The following SUMO3 variants were observed in gnomAD, a reference collection of about 807,000 sequenced individuals.
SUMO3 encodes the protein small ubiquitin-related modifier 3.
In SUMO3, 2 loss-of-function variants were observed where a neutral mutation model predicts 11.1. That is an observed-to-expected ratio of 0.18 (90% CI 0.07 to 0.57). SUMO3 has a LOEUF of 0.57. Among genes scored for constraint, SUMO3 ranks in the 20% least tolerant of loss-of-function variants. SUMO3 has a pLI of 0.92. For missense variants in SUMO3, 70 were observed against 132.8 expected (o/e 0.53, Z 2.32); for synonymous variants, 56 against 53.5 (o/e 1.05, Z -0.20).
At chr21:44,808,916 C>G in intron 3 of SUMO3, 131 bp downstream of exon 3, 1 of 752,116 alleles carries the variant, frequency 1.3e-6, no homozygotes, top group Admixed American at 2.4e-5. Context: ...AATAAATAAT[C>G]TAATAATCAA....
chr21:44,808,240 C>T (rs757331290), intron 3 of SUMO3: 18 of 258,972 alleles, frequency 7.0e-5, no homozygotes, highest in Middle Eastern at 1.2e-3. Context: ...CGGCCGGGCG[C>T]GTTGGCTCAT....
chr21:44,810,756 A>G lies in SUMO3; in HGVS notation c.151-1638T>C, dbSNP rs978378986. Among the ~76,000 whole-genome samples the G allele has an allele frequency of 1.3e-5, 2 of 151,994 alleles. No individual in the cohort carries two copies. The highest frequency in any genetic ancestry group is 1.3e-4 in the Admixed American group (2 of 15,284). ...CAGCCATCCATGTACACAGCTTTTC[A>G]GCAGCTTCTCGGTGCTCCATGCTTG... On this transcript the variant is annotated intron_variant, in intron 2 of 3. Coordinates refer to ENST00000332859, the MANE Select transcript of SUMO3 (RefSeq NM_006936.3). This position sits in a 1 kb window ranked among gnomAD's most constrained non-coding sequence, Gnocchi z 4.1.
rs1334680948 is a variant in SUMO3, at chr21:44,811,085, T to C, written c.151-1967A>G. On this transcript the variant is annotated intron_variant, in intron 2 of 3. Coordinates refer to ENST00000332859, the MANE Select transcript of SUMO3 (RefSeq NM_006936.3). The surrounding 1 kb of genome is among the most constrained non-coding windows in gnomAD (Gnocchi z 5.0). ...ACATACACACACACGAATGCACACA[T>C]GCACACACCCACATACACACACATG... 7.0e-5 allele frequency among the ~76,000 whole-genome samples: 7 copies of C among 99,988 alleles called. No individual in the cohort carries two copies. The highest frequency in any genetic ancestry group is 3.0e-4 in the East Asian group (1 of 3,382). The allele number at this position is 99,988 out of a possible 152,430, so 65.6% of individuals were successfully genotyped here.
intron 1 of SUMO3, among the ~76,000 whole-genome samples, chr21:44,815,278 G>A (rs373524329): frequency 6.6e-6 from 1 of 152,294 alleles, no homozygotes; most frequent in African/African-American, 2.4e-5. Context: ...GCTTCCCTGG[G>A]GTATGCACCC....
rs753293896 is a variant in SUMO3, at chr21:44,805,961, A to G, written c.*990T>C. 1.2e-4 allele frequency: 19 copies of G among 152,408 alleles called. No individual in the cohort carries two copies. Among genetic ancestry groups the G allele is most frequent in the Non-Finnish European group, 2.1e-4 (14 of 68,030 alleles). 9.4% of individuals were successfully genotyped at this position (152,408 alleles called of 1,614,324 possible). ...ATTCAATACCTATTTGGAAAGCAGC[A>G]CGGCACAAACCCACGAGAAGAACAT... On this transcript the variant is annotated 3_prime_UTR_variant, in exon 4 of 4. Transcript: ENST00000332859.
chr21:44,817,648 G>A (rs1369099713), intron 1 of SUMO3, among the ~76,000 whole-genome samples: 2 of 150,840 alleles, frequency 1.3e-5, no homozygotes, highest in Admixed American at 6.6e-5. Context: ...GCAGCGCGGG[G>A]CCCGACACCG....
intron 2 of SUMO3, 122 bp downstream of exon 2, chr21:44,813,854 G>T: frequency 1.9e-6 from 3 of 1,572,928 alleles, no homozygotes; most frequent in Non-Finnish European, 2.6e-6. Flanking sequence ...CATCCACGAA[G>T]AGGGCACCTC....
chr21:44,807,077 G>A lies in SUMO3; in HGVS notation c.223-37C>T. The A allele has an allele frequency of 6.2e-7, 1 of 1,608,004 alleles. No individual in the cohort carries two copies. The highest frequency in any genetic ancestry group is 8.5e-7 in the Non-Finnish European group (1 of 1,176,316). ...GTCACAACAGGCACAGCGAGAGAGA[G>A]GGGAGCCTGTTAGTTTTCATCAGAG... On this transcript the variant is annotated intron_variant, in intron 3 of 3. Transcript: ENST00000332859. This position sits in a 1 kb window ranked among gnomAD's most constrained non-coding sequence, Gnocchi z 4.3.
At chr21:44,815,100 G>A (rs1455477105) in intron 1 of SUMO3, among the ~76,000 whole-genome samples, 1 of 152,238 alleles carries the variant, frequency 6.6e-6, no homozygotes, top group Non-Finnish European at 1.5e-5. Flanking sequence ...TTCACCCCAT[G>A]CTGAGCTGCT....
rs2083181437 is a variant in SUMO3 at position 44,806,990 on chromosome 21, T to A, written c.273A>T (p.Gly91=). 1 of 1,613,982 alleles carries A rather than the reference T, an allele frequency of 6.2e-7. No individual in the cohort carries two copies. Reference sequence around the variant, plus strand: ...CTGCCAGGCTGCTCTCCGGCACACCTCCCGTCTGCTGCTGGAACACGTCGA... The same window carrying A: ...CTGCCAGGCTGCTCTCCGGCACACCACCCGTCTGCTGCTGGAACACGTCGA... ...DTIDVFQQQT[G]GVPESSLAGH... is the part of the protein sequence containing the mutation. The change falls in exon 4 of 4, where the codon GGA becomes GGT. Residue 91 remains glycine (G), a synonymous_variant. Transcript: ENST00000332859.
intron 2 of SUMO3, chr21:44,813,547 AGT>A: frequency 2.3e-6 from 1 of 430,418 alleles, no homozygotes; most frequent in Admixed American, 3.7e-5. Flanking sequence ...ACATGAGGGC[AGT>A]GTCTCTCCAG....
rs1346539466 is a variant in SUMO3 at position 44,810,071 on chromosome 21, G to C, written c.151-953C>G. Among the ~76,000 whole-genome samples the C allele has an allele frequency of 1.3e-5, 2 of 152,226 alleles. No homozygotes were observed. The highest frequency in any genetic ancestry group is 4.8e-5 in the African/African-American group (2 of 41,452). ...GCCTTGAGGAGGGCAGCAGGAAGGAGAGCACGCAGCCTTTCTGCGTCCTGA... is the reference window on the plus strand; with the variant it reads ...GCCTTGAGGAGGGCAGCAGGAAGGACAGCACGCAGCCTTTCTGCGTCCTGA... On this transcript the variant is annotated intron_variant, in intron 2 of 3. Coordinates refer to ENST00000332859, the MANE Select transcript of SUMO3 (RefSeq NM_006936.3). This position sits in a 1 kb window ranked among gnomAD's most constrained non-coding sequence, Gnocchi z 4.1.
intron 2 of SUMO3, chr21:44,813,639 C>G: frequency 4.7e-6 from 3 of 644,020 alleles, no homozygotes; most frequent in Non-Finnish European, 7.9e-6. Flanking sequence ...ATGGCCAGAC[C>G]TGAGCAGGGC....
chr21:44,805,641 T>G lies in SUMO3; in HGVS notation c.*1310A>C, dbSNP rs2083171683. 6.6e-6 allele frequency: 1 copy of G among 152,638 alleles called. No individual in the cohort carries two copies. 9.5% of individuals were successfully genotyped at this position (152,638 alleles called of 1,614,324 possible). A position where few individuals can be genotyped will look rare whatever the true frequency, so the allele number is the denominator to read the frequency against. ...AGACAGAATACCAAACTATATTTAC[T>G]GTTTACAGTAGTAAAGGACAACAAA... On this transcript the variant is annotated 3_prime_UTR_variant, in exon 4 of 4. Transcript: ENST00000332859.
At chr21:44,814,992 G>A (rs1354802221) in intron 1 of SUMO3, among the ~76,000 whole-genome samples, 14 of 152,202 alleles carry the variant, frequency 9.2e-5, no homozygotes, top group East Asian at 1.9e-4. Context: ...CCCCTCTGCC[G>A]GCCTGCACTG....
rs2083172285 is a variant in SUMO3 at position 44,805,747 on chromosome 21, C to T, written c.*1204G>A. 1 of 152,588 alleles carries T rather than the reference C, an allele frequency of 6.6e-6. No individual in the cohort carries two copies. Among genetic ancestry groups the T allele is most frequent in the South Asian group, 2.1e-4 (1 of 4,824 alleles). The allele number at this position is 152,588 out of a possible 1,614,324, so 9.5% of individuals were successfully genotyped here. A position where few individuals can be genotyped will look rare whatever the true frequency, so the allele number is the denominator to read the frequency against. On this transcript the variant is annotated 3_prime_UTR_variant, in exon 4 of 4. Coordinates refer to ENST00000332859, the MANE Select transcript of SUMO3 (RefSeq NM_006936.3). Reference sequence around the variant, plus strand: ...CCATACAGCAAACAGGAAATGAGAACATTTCAGCAAGATTTCAAGCAAGCA... The same window carrying T: ...CCATACAGCAAACAGGAAATGAGAATATTTCAGCAAGATTTCAAGCAAGCA...
In SUMO3 at chr21:44,807,072, A is replaced by C; in HGVS notation, c.223-32T>G. Reference sequence around the variant, plus strand: ...TGGTTGTCACAACAGGCACAGCGAGAGAGAGGGGAGCCTGTTAGTTTTCAT... The same window carrying C: ...TGGTTGTCACAACAGGCACAGCGAGCGAGAGGGGAGCCTGTTAGTTTTCAT... On this transcript the variant is annotated intron_variant, in intron 3 of 3. Coordinates refer to ENST00000332859, the MANE Select transcript of SUMO3 (RefSeq NM_006936.3). The surrounding 1 kb of genome is among the most constrained non-coding windows in gnomAD (Gnocchi z 4.3). 6.2e-7 allele frequency: 1 copy of C among 1,610,082 alleles called. No homozygotes were observed. Among genetic ancestry groups the C allele is most frequent in the East Asian group, 2.2e-5 (1 of 44,786 alleles).
rs956362933 is a variant in SUMO3 at position 44,807,979 on chromosome 21, A to G, written c.223-939T>C. Reference sequence around the variant, plus strand: ...GTACAAATGGATACTTGTTGCAAAGATGTTTTCAATATTTATTAAATACTG... The same window carrying G: ...GTACAAATGGATACTTGTTGCAAAGGTGTTTTCAATATTTATTAAATACTG... On this transcript the variant is annotated intron_variant, in intron 3 of 3. Transcript: ENST00000332859. The surrounding 1 kb of genome is among the most constrained non-coding windows in gnomAD (Gnocchi z 4.3). Among the ~76,000 whole-genome samples the G allele has an allele frequency of 1.2e-4, 19 of 152,252 alleles. No individual in the cohort carries two copies. The highest frequency in any genetic ancestry group is 2.8e-4 in the Non-Finnish European group (19 of 68,044).
intron 2 of SUMO3, among the ~76,000 whole-genome samples, chr21:44,812,186 A>G (rs2083216412): frequency 6.7e-6 from 1 of 150,192 alleles, no homozygotes; most frequent in Non-Finnish European, 1.5e-5. Context: ...CCTCCTGAGT[A>G]GCTGGGACTA....
Sources: gnomAD v4.1 joint callset for allele counts (sites outside exome capture counted in the v4.1 genomes callset) on GRCh38, gnomAD v4.1.1 for gene constraint, Gnocchi (gnomAD v3.1) non-coding constraint, MANE v1.5 for transcripts, NCBI Gene and HGNC (gene_info 2026-07-23, HGNC 2026-07-21) for gene names.